The following SPATA6 variants were observed in gnomAD, a reference collection of about 807,000 sequenced individuals.
The protein encoded by SPATA6 is spermatogenesis-associated protein 6.
Under a neutral mutation model 65.3 loss-of-function variants are expected in SPATA6, and 56 were observed. The observed-to-expected ratio is 0.86, with a 90% confidence interval of 0.69 to 1.07. The LOEUF (loss-of-function observed/expected upper bound fraction) is 1.07. Ranked by LOEUF, SPATA6 falls within the 50% of genes least tolerant of loss-of-function variation. SPATA6 has a pLI of 0.00. For missense variants in SPATA6, 590 were observed against 594.8 expected (o/e 0.99, Z 0.08); for synonymous variants, 199 against 213.2 (o/e 0.93, Z 0.58).
At chr1:48,307,083 A>G (rs1399506929) in intron 11 of SPATA6, among the ~76,000 whole-genome samples, 1 of 151,732 alleles carries the variant, frequency 6.6e-6, no homozygotes, top group Non-Finnish European at 1.5e-5. Context: ...CCGAGAAGTC[A>G]ATGCAGTGGA....
intron 9 of SPATA6, among the ~76,000 whole-genome samples, chr1:48,362,483 A>G (rs1646844659): frequency 1.3e-5 from 2 of 152,128 alleles, no homozygotes; most frequent in Admixed American, 6.6e-5. Context: ...ATAGGTGACT[A>G]CCACTGAATT....
intron 11 of SPATA6, among the ~76,000 whole-genome samples, chr1:48,332,448 A>G (rs1030293845): frequency 2.4e-4 from 36 of 152,226 alleles, no homozygotes; most frequent in Non-Finnish European, 4.3e-4. Context: ...AATTTCAGAT[A>G]AAAGAGAATT....
chr1:48,284,406 T>C, the SPATA6 span, among the ~76,000 whole-genome samples: 46 of 152,322 alleles, frequency 3.0e-4, no homozygotes, highest in African/African-American at 9.4e-4. Flanking sequence ...TTTGTTATTA[T>C]GCACCTTCTG....
intron 11 of SPATA6, among the ~76,000 whole-genome samples, chr1:48,327,379 C>T (rs2354006): frequency 0.31 from 47,253 of 151,996 alleles, 8,990 homozygotes; most frequent in Middle Eastern, 0.44. Context: ...GAAAAGGGAA[C>T]GCTTACACAC....
chr1:48,395,262 CT>C lies in SPATA6; in HGVS notation c.868+4del. On this transcript the variant is annotated splice_donor_region_variant and intron_variant, in intron 8 of 12. Transcript: ENST00000371847. ...AGCAATGAATAAAGACAACTTCTAG[CT>C]TACCATTGTGCACCCTTGACCATCC... The C allele has an allele frequency of 6.5e-7, 1 of 1,539,556 alleles. No individual in the cohort carries two copies. Among genetic ancestry groups the C allele is most frequent in the Admixed American group, 2.0e-5 (1 of 50,148 alleles).
chr1:48,312,922 C>A (rs1344254965), intron 11 of SPATA6, among the ~76,000 whole-genome samples: 4 of 152,132 alleles, frequency 2.6e-5, no homozygotes, highest in African/African-American at 9.7e-5. Context: ...GTAGCTGATT[C>A]AATCAACTGT....
At chr1:48,320,802 C>A (rs865947175) in intron 11 of SPATA6, among the ~76,000 whole-genome samples, 1 of 151,760 alleles carries the variant, frequency 6.6e-6, no homozygotes, top group Non-Finnish European at 1.5e-5. Context: ...ATGAAGACAA[C>A]GACTTTTCAA....
chr1:48,433,605 G>A (rs886227591), intron 3 of SPATA6, among the ~76,000 whole-genome samples: 11 of 152,124 alleles, frequency 7.2e-5, no homozygotes, highest in African/African-American at 1.7e-4. Flanking sequence ...AATAACTTAC[G>A]TGCCAGACTA....
intron 1 of SPATA6, among the ~76,000 whole-genome samples, chr1:48,467,617 G>C (rs545063902): frequency 2.6e-5 from 4 of 152,154 alleles, no homozygotes; most frequent in African/African-American, 9.6e-5. Context: ...CTTCTACACA[G>C]CAAAGGAAAC....
At chr1:48,421,365 A>G (rs1287696889) in intron 3 of SPATA6, among the ~76,000 whole-genome samples, 2 of 152,126 alleles carry the variant, frequency 1.3e-5, no homozygotes, top group African/African-American at 4.8e-5. Context: ...AAAAAAAAAG[A>G]AAGCTTCAAT....
chr1:48,471,725 TG>T (rs1658266673), intron 1 of SPATA6, among the ~76,000 whole-genome samples: 1 of 152,178 alleles, frequency 6.6e-6, no homozygotes, highest in Non-Finnish European at 1.5e-5. Context: ...GCGCGCAAGT[TG>T]GAAGTCGGGT....
At chr1:48,435,961 G>A in intron 3 of SPATA6, 1 of 1,594,944 alleles carries the variant, frequency 6.3e-7, no homozygotes, top group Non-Finnish European at 8.6e-7. Context: ...GAACTAAAGT[G>A]ATTCAATGTC....
the SPATA6 span, among the ~76,000 whole-genome samples, chr1:48,278,193 A>G: frequency 6.6e-6 from 1 of 151,034 alleles, no homozygotes; most frequent in Non-Finnish European, 1.5e-5. Flanking sequence ...CATCCCCATC[A>G]TCAAAGACCA....
At chr1:48,285,814 G>T in the SPATA6 span, among the ~76,000 whole-genome samples, 1 of 152,124 alleles carries the variant, frequency 6.6e-6, no homozygotes, top group Non-Finnish European at 1.5e-5. Context: ...ACCTCAGTTG[G>T]AAATGCAGAA....
chr1:48,318,746 G>C (rs1645513461), intron 11 of SPATA6, among the ~76,000 whole-genome samples: 2 of 152,174 alleles, frequency 1.3e-5, no homozygotes, highest in South Asian at 2.1e-4. Context: ...TCCGGCCACA[G>C]TTTTCTTGCA....
intron 3 of SPATA6, among the ~76,000 whole-genome samples, chr1:48,421,037 G>T (rs2148018025): frequency 6.6e-6 from 1 of 152,224 alleles, no homozygotes; most frequent in East Asian, 1.9e-4. Context: ...CAGAGCTTGG[G>T]TAGGTTAAGA....
intron 11 of SPATA6, among the ~76,000 whole-genome samples, chr1:48,328,154 A>C (rs1034015611): frequency 6.6e-6 from 1 of 152,150 alleles, no homozygotes; most frequent in African/African-American, 2.4e-5. Flanking sequence ...ACACCACTTC[A>C]TGCACACTAG....
intron 9 of SPATA6, among the ~76,000 whole-genome samples, chr1:48,370,297 T>C (rs1175926429): frequency 2.6e-5 from 4 of 152,088 alleles, no homozygotes; most frequent in African/African-American, 9.7e-5. Flanking sequence ...AGCTGAGAAG[T>C]AGTTGAGAAT....
chr1:48,363,663 C>T (rs781213201), intron 9 of SPATA6, among the ~76,000 whole-genome samples: 66 of 151,610 alleles, frequency 4.4e-4, no homozygotes, highest in Non-Finnish European at 6.8e-4. Context: ...AAATGCAATA[C>T]TTTCAATATG....
Sources: allele counts gnomAD v4.1 joint callset (sites outside exome capture counted in the v4.1 genomes callset), GRCh38; gene constraint gnomAD v4.1.1; transcripts MANE v1.5; gene names NCBI Gene and HGNC (gene_info 2026-07-23, HGNC 2026-07-21).